The following TTLL5 variants were observed in gnomAD, a reference collection of about 807,000 sequenced individuals.
TTLL5 encodes the protein tubulin polyglutamylase TTLL5.
In TTLL5, 132 loss-of-function variants were observed where a neutral mutation model predicts 168.4. The observed-to-expected ratio is 0.78, with a 90% CI of 0.68 to 0.91. The LOEUF is 0.91. Among genes scored for constraint, TTLL5 ranks in the 40% least tolerant of loss-of-function variants. The pLI is 0.00. For missense variants in TTLL5, 1,545 were observed against 1,581.5 expected, an observed-to-expected ratio of 0.98 and a Z score of 0.39; for synonymous variants, 546 against 558.6, an observed-to-expected ratio of 0.98 and a Z score of 0.32.
chr14:75,762,677 C>T (rs370505612), intron 18 of TTLL5, among the ~76,000 whole-genome samples: 1 of 152,070 alleles, frequency 6.6e-6, no homozygotes, highest in East Asian at 1.9e-4. Context: ...TCTGTTTATC[C>T]AGGGTCTCTT....
chr14:75,782,417 A>C, intron 24 of TTLL5, 70 bp from the exon 25 acceptor site: 1 of 1,241,138 alleles, frequency 8.1e-7, no homozygotes, highest in Non-Finnish European at 1.1e-6. Flanking sequence ...TTTGGGAATA[A>C]AATTATGTAT....
intron 11 of TTLL5, 27 bp downstream of exon 11, chr14:75,719,853 G>A (rs1183323328): frequency 6.2e-7 from 1 of 1,601,010 alleles, no homozygotes; most frequent in South Asian, 1.1e-5. Flanking sequence ...TTTCCTTCTT[G>A]ACTTCTCTTC....
intron 7 of TTLL5, among the ~76,000 whole-genome samples, chr14:75,706,104 G>A (rs1261251858): frequency 6.6e-6 from 1 of 152,088 alleles, no homozygotes; most frequent in Non-Finnish European, 1.5e-5. Flanking sequence ...GCCATCTTCC[G>A]ATGATGGGCT....
At chr14:75,738,883 C>T (rs1889072360) in intron 15 of TTLL5, among the ~76,000 whole-genome samples, 1 of 152,166 alleles carries the variant, frequency 6.6e-6, no homozygotes, top group African/African-American at 2.4e-5. Flanking sequence ...CAGCTCACTA[C>T]AGCCTGGACT....
intron 21 of TTLL5, among the ~76,000 whole-genome samples, chr14:75,773,927 T>TATAGAGAGAGAG (rs1354936334): frequency 1.3e-3 from 28 of 21,122 alleles, no homozygotes; most frequent in African/African-American, 2.9e-3. Flanking sequence ...TATATATATA[T>TATAGAGAGAGAG]AGAGAGAGAG....
At chr14:75,680,321 G>T (rs1884501361) in intron 3 of TTLL5, among the ~76,000 whole-genome samples, 1 of 152,158 alleles carries the variant, frequency 6.6e-6, no homozygotes, top group African/African-American at 2.4e-5. Context: ...GAAGAGTGTG[G>T]CCTGTCCTGA....
Position 75,735,204 on chromosome 14 carries a change from G to T in TTLL5, c.1196G>T (p.Cys399Phe). The T allele has an allele frequency of 6.2e-7, 1 of 1,614,192 alleles. No homozygotes were observed. The highest frequency in any genetic ancestry group is 8.5e-7 in the Non-Finnish European group (1 of 1,179,996). ...CCCATTCCCCATTCAGGATTTGTGT[G>T]CCAAGATCCTGCCCAGCGGGCATCA... ...SDMFTVVGFV[C>F]QDPAQRASTR... Residue 399 changes from cysteine (C) to phenylalanine (F), a missense_variant, in exon 15 of 32, where the codon TGC becomes TTC. Transcript: ENST00000298832.
At chr14:75,719,585 A>G (rs1887713017) in intron 10 of TTLL5, 150 bp from the exon 11 acceptor site, 1 of 607,164 alleles carries the variant, frequency 1.6e-6, no homozygotes, top group Non-Finnish European at 2.7e-6. Context: ...ATATGACAAA[A>G]AGGACCAAGA....
At chr14:75,876,730 CTG>C (rs1239357665) in intron 29 of TTLL5, among the ~76,000 whole-genome samples, 2 of 152,206 alleles carry the variant, frequency 1.3e-5, no homozygotes, top group African/African-American at 2.4e-5. Flanking sequence ...CCGACAAACA[CTG>C]TGAATGGAAG....
chr14:75,902,598 A>C, intron 31 of TTLL5: 1 of 461,746 alleles, frequency 2.2e-6, no homozygotes, highest in Non-Finnish European at 4.3e-6. Context: ...TCCCCTCCAC[A>C]TGAGGAAACA....
At chr14:75,880,633 C>T (rs932174459) in intron 29 of TTLL5, among the ~76,000 whole-genome samples, 1 of 152,200 alleles carries the variant, frequency 6.6e-6, no homozygotes, top group Admixed American at 6.5e-5. Flanking sequence ...CTGGGGCAGC[C>T]TGTTCCTGTG....
chr14:75,775,325 A>G (rs1453753162), intron 21 of TTLL5, among the ~76,000 whole-genome samples, 159 bp from the exon 22 acceptor site: 2 of 152,038 alleles, frequency 1.3e-5, no homozygotes, highest in Admixed American at 6.6e-5. Context: ...GTCTTTCTGT[A>G]TGCTTCTTAT....
chr14:75,909,538 C>G (rs1312235589), intron 31 of TTLL5, among the ~76,000 whole-genome samples: 1 of 152,016 alleles, frequency 6.6e-6, no homozygotes, highest in African/African-American at 2.4e-5. Flanking sequence ...TGGGAGCTGT[C>G]AGAATAAACG....
At chr14:75,778,057 T>C (rs768744608) in intron 23 of TTLL5, among the ~76,000 whole-genome samples, 10 of 151,954 alleles carry the variant, frequency 6.6e-5, no homozygotes, top group Non-Finnish European at 1.3e-4. Flanking sequence ...AGGTTTATCC[T>C]AAGGATCTTC....
rs371166683 is a variant in TTLL5 at position 75,782,489 on chromosome 14, C to T, written c.2518C>T (p.His840Tyr). 1 of 1,610,008 alleles carries T rather than the reference C, an allele frequency of 6.2e-7. No individual in the cohort carries two copies. Among genetic ancestry groups the T allele is most frequent in the African/African-American group, 1.3e-5 (1 of 74,760 alleles). Reference sequence around the variant, plus strand: ...AAGCTCATTATTTCTTATTTCAGATCACCCTGAGACTATAATGGAAGAAGT... The same window carrying T: ...AAGCTCATTATTTCTTATTTCAGATTACCCTGAGACTATAATGGAAGAAGT... ...NYSDSGAKGD[H>Y]PETIMEEVKI... The change falls in exon 25 of 32, where the codon CAC (histidine) becomes TAC (tyrosine). Residue 840 changes from histidine (H) to tyrosine (Y), a missense_variant and splice_region_variant. By Grantham distance (83) the His-to-Tyr change is moderately conservative (BLOSUM62 2). Transcript: ENST00000298832.
intron 24 of TTLL5, among the ~76,000 whole-genome samples, chr14:75,781,461 A>C (rs1423946298): frequency 6.6e-6 from 1 of 152,178 alleles, no homozygotes; most frequent in Non-Finnish European, 1.5e-5. Context: ...TTTCACTCTG[A>C]AAGATGATCT....
At position 75,732,411 on chromosome 14, in the gene TTLL5, T is replaced by C. The variant is rs546587085; in HGVS notation, c.1116T>C (p.Ser372=). The stretch of plus-strand genomic sequence containing the variant: ...TGTTGGAAGTGAATCTCTCTCCTTC[T>C]TTGGCCTGGTAAGTCAGTTCCATCA... ...PWLLEVNLSP[S]LACDAPLDLK... The change falls in exon 13 of 32, where the codon TCT becomes TCC. Residue 372 remains serine (S), a synonymous_variant. Coordinates refer to ENST00000298832, the MANE Select transcript of TTLL5 (RefSeq NM_015072.5). 5 of 1,613,850 alleles carry C rather than the reference T, an allele frequency of 3.1e-6. No homozygotes were observed. The Admixed American group carries it at 6.7e-5, about 22-fold the overall frequency.
chr14:75,899,290 T>G (rs1315945981), intron 30 of TTLL5, among the ~76,000 whole-genome samples: 1 of 152,160 alleles, frequency 6.6e-6, no homozygotes, highest in Non-Finnish European at 1.5e-5. Context: ...CTAAAACACA[T>G]GTATTCCTAG....
At chr14:75,870,687 T>G (rs1430324721) in intron 29 of TTLL5, among the ~76,000 whole-genome samples, 1 of 152,228 alleles carries the variant, frequency 6.6e-6, no homozygotes, top group East Asian at 1.9e-4. Flanking sequence ...ATTTTAATTT[T>G]ATTTCTATGA....
Sources: gnomAD v4.1 joint callset for allele counts (sites outside exome capture counted in the v4.1 genomes callset) on GRCh38, gnomAD v4.1.1 for gene constraint, MANE v1.5 for transcripts, NCBI Gene and HGNC (gene_info 2026-07-23, HGNC 2026-07-21) for gene names.